The following HAAO variants were observed in gnomAD, a reference collection of about 807,000 sequenced individuals.
HAAO encodes 3-hydroxyanthranilate 3,4-dioxygenase.
HAAO carries 49 observed loss-of-function variants against 46.2 expected under a neutral mutation model. The ratio of observed to expected loss-of-function variants is 1.06; its 90% CI spans 0.84 to 1.34. HAAO has a LOEUF of 1.34. HAAO is among the 40% of genes most tolerant of loss of function. The pLI is 0.00. For missense variants in HAAO, 408 were observed against 364.5 expected, an observed-to-expected ratio of 1.12 and a Z score of -0.97; for synonymous variants, 157 against 145.2, an observed-to-expected ratio of 1.08 and a Z score of -0.58.
chr2:42,784,028 G>C (rs932892899), intron 2 of HAAO, 161 bp from the exon 3 acceptor site: 1 of 876,972 alleles, frequency 1.1e-6, no homozygotes, highest in South Asian at 5.2e-5. Flanking sequence ...CTGTCTCCCC[G>C]GTGCATGCCA....
chr2:42,780,497 C>T (rs868836499), intron 4 of HAAO, among the ~76,000 whole-genome samples: 34 of 151,912 alleles, frequency 2.2e-4, no homozygotes, highest in East Asian at 5.9e-4. Context: ...TGAGCCACCG[C>T]GCCCGGCGAA....
At chr2:42,788,256 C>T (rs79400432) in intron 2 of HAAO, among the ~76,000 whole-genome samples, 4,134 of 152,324 alleles carry the variant, frequency 0.027, 196 homozygotes, top group African/African-American at 0.094. Context: ...GGGGAGGATG[C>T]CCCATGGCTA....
intron 4 of HAAO, among the ~76,000 whole-genome samples, chr2:42,781,702 A>G (rs542058789): frequency 1.3e-5 from 2 of 152,108 alleles, no homozygotes; most frequent in South Asian, 2.1e-4. Flanking sequence ...GTGAAACCCA[A>G]TTTCTACTAA....
chr2:42,777,725 A>G (rs990038508), intron 4 of HAAO, among the ~76,000 whole-genome samples: 10 of 152,244 alleles, frequency 6.6e-5, no homozygotes, highest in African/African-American at 2.2e-4. Context: ...GTCATAATTT[A>G]GAATCTAAAG....
intron 2 of HAAO, among the ~76,000 whole-genome samples, chr2:42,787,163 C>T (rs772024733): frequency 1.6e-4 from 24 of 152,178 alleles, no homozygotes; most frequent in Admixed American, 3.9e-4. Context: ...ATCACTCAAT[C>T]CCTCAGCTGC....
At position 42,770,525 on chromosome 2, in the gene HAAO, G is replaced by C; in HGVS notation, c.408C>G (p.Asp136Glu). ...VLFEKWFYCK[D>E]LGTQLAPIIQ... ...TGATGGGGGCCAACTGCGTGCCGAG[G>C]TCCTTGCAGTAGAACCACTTCTCAA... is the stretch of plus-strand genomic sequence containing the variant. The change falls in exon 5 of 10, where the codon GAC (aspartate) becomes GAG (glutamate). Residue 136 changes from aspartate to glutamate, a missense_variant. Transcript: ENST00000294973. 2 of 1,553,200 alleles carry C rather than the reference G, an allele frequency of 1.3e-6. No homozygotes were observed. The highest frequency in any genetic ancestry group is 1.7e-6 in the Non-Finnish European group (2 of 1,147,732).
chr2:42,770,691 C>G, intron 4 of HAAO, 109 bp from the exon 5 acceptor site: 1 of 636,910 alleles, frequency 1.6e-6, no homozygotes, highest in Non-Finnish European at 2.7e-6. Context: ...GCCCTGCTGT[C>G]TGCTCACCCC....
At position 42,767,846 on chromosome 2, in the gene HAAO, TG is replaced by T; in HGVS notation, c.699+13del. On this transcript the variant is annotated intron_variant, in intron 8 of 9. Coordinates refer to ENST00000294973, the MANE Select transcript of HAAO (RefSeq NM_012205.3). ...GCAGGGGGTTCTGCAACCCTGTCCC[TG>T]GGCCCCACTTGCCAGCTGCCACAGC... 1 of 1,613,244 alleles carries T rather than the reference TG, an allele frequency of 6.2e-7. No individual in the cohort carries two copies. Among genetic ancestry groups the T allele is most frequent in the Non-Finnish European group, 8.5e-7 (1 of 1,179,194 alleles).
At chr2:42,791,084 T>C (rs1457049972) in intron 1 of HAAO, among the ~76,000 whole-genome samples, 1 of 152,202 alleles carries the variant, frequency 6.6e-6, no homozygotes, top group Non-Finnish European at 1.5e-5. Flanking sequence ...CTGCAGAATG[T>C]GACCTTATTT....
At chr2:42,770,305 C>T (rs1671011279) in intron 5 of HAAO, 119 bp from the exon 6 acceptor site, 1 of 918,964 alleles carries the variant, frequency 1.1e-6, no homozygotes, top group Non-Finnish European at 1.7e-6. Flanking sequence ...TCATGGGGCT[C>T]TCACACAGCT....
chr2:42,777,852 ATCT>A (rs1558666402), intron 4 of HAAO, among the ~76,000 whole-genome samples: 1 of 152,176 alleles, frequency 6.6e-6, no homozygotes, highest in Non-Finnish European at 1.5e-5. Flanking sequence ...GAACCATTTT[ATCT>A]AATTTAAGGC....
chr2:42,770,263 A>G (rs1671008595), intron 5 of HAAO, 77 bp from the exon 6 acceptor site: 1 of 1,249,604 alleles, frequency 8.0e-7, no homozygotes, highest in East Asian at 2.5e-5. Flanking sequence ...CATACACCAC[A>G]CTCACGGTCA....
In HAAO at chr2:42,770,064, C is replaced by T. The variant is rs757961797; in HGVS notation, c.484+79G>A. 22 of 1,379,918 alleles carry T rather than the reference C, an allele frequency of 1.6e-5. No individual in the cohort carries two copies. In the South Asian group the frequency reaches 2.2e-4, roughly 14 times the overall value. 85.5% of individuals were successfully genotyped at this position (1,379,918 alleles called of 1,614,324 possible). On this transcript the variant is annotated intron_variant, in intron 6 of 9. Transcript: ENST00000294973. Reference sequence around the variant, plus strand: ...GGGCAGAGTATTCAAAAAGAGACTCCCCGGTCCCCTGGACCAAAACCCATC... The same window carrying T: ...GGGCAGAGTATTCAAAAAGAGACTCTCCGGTCCCCTGGACCAAAACCCATC...
chr2:42,774,211 T>G (rs1470941801), intron 4 of HAAO, among the ~76,000 whole-genome samples: 3 of 152,212 alleles, frequency 2.0e-5, no homozygotes, highest in Non-Finnish European at 4.4e-5. Flanking sequence ...GTCACGAGCG[T>G]GCATCCTCAA....
intron 6 of HAAO, 56 bp from the exon 7 acceptor site, chr2:42,769,914 C>A: frequency 1.3e-6 from 2 of 1,536,326 alleles, no homozygotes; most frequent in Non-Finnish European, 1.8e-6. Flanking sequence ...CACCCAGCCC[C>A]AGTGGGCCCA....
chr2:42,767,636 G>T lies in HAAO; in HGVS notation c.741C>A (p.Ser247Arg). The T allele has an allele frequency of 6.4e-7, 1 of 1,570,832 alleles. No homozygotes were observed. Among genetic ancestry groups the T allele is most frequent in the Non-Finnish European group, 8.6e-7 (1 of 1,157,228 alleles). The change falls in exon 9 of 10, where the codon AGC becomes AGA. Residue 247 changes from serine to arginine, a missense_variant. Coordinates refer to ENST00000294973, the MANE Select transcript of HAAO (RefSeq NM_012205.3). ...SVVTMGGRRL[S>R]LAPDDSLLVL... ...CCAGGAGGCTGTCATCAGGGGCCAG[G>T]CTCAGGCGCCGTCCCCCCATTGTCA...
chr2:42,782,142 C>CT (rs1446582896), intron 4 of HAAO, among the ~76,000 whole-genome samples: 2 of 152,068 alleles, frequency 1.3e-5, no homozygotes, highest in Non-Finnish European at 2.9e-5. Context: ...TTTTTTACTT[C>CT]TTTTTTTGTT....
rs114894333 is a variant in HAAO at position 42,788,577 on chromosome 2, G to A, written c.111C>T (p.Ile37=). 1,116 of 1,604,594 alleles carry A rather than the reference G, an allele frequency of 7.0e-4. 8 individuals carry two copies. In the African/African-American group the frequency reaches 0.014, roughly 19 times the overall value. ...MHQEQLKVMF[I]GGPNTRKDYH... The stretch of plus-strand genomic sequence containing the variant: ...AGTCCTTCCTGGTGTTGGGGCCTCC[G>A]ATGAACATGACTTTGAGCTGCTCCT... The change falls in exon 2 of 10, where the codon ATC becomes ATT. Residue 37 remains isoleucine (I), a synonymous_variant. Transcript: ENST00000294973.
intron 1 of HAAO, among the ~76,000 whole-genome samples, chr2:42,791,670 T>G (rs975253283): frequency 6.6e-6 from 1 of 152,188 alleles, no homozygotes; most frequent in African/African-American, 2.4e-5. Flanking sequence ...GGCATAGTCC[T>G]GGGCCTGCTG....
Sources: allele counts gnomAD v4.1 joint callset (sites outside exome capture counted in the v4.1 genomes callset), GRCh38; gene constraint gnomAD v4.1.1; transcripts MANE v1.5; gene names NCBI Gene and HGNC (gene_info 2026-07-23, HGNC 2026-07-21).